ITGA9: variants seen among roughly 807,000 people sequenced by gnomAD.
ITGA9 encodes the protein integrin subunit alpha 9.
ITGA9 carries 56 observed loss-of-function variants against 127.8 expected under a neutral mutation model. That is an observed-to-expected ratio of 0.44 (90% CI 0.35 to 0.55). The LOEUF is 0.55. ITGA9 is among the 20% of genes least tolerant of loss of function. The pLI, the probability that ITGA9 is intolerant of heterozygous loss-of-function variation, is 0.00. For missense variants in ITGA9, 1,196 were observed against 1,347.1 expected (o/e 0.89, Z 1.76); for synonymous variants, 508 against 514.5 (o/e 0.99, Z 0.17).
intron 17 of ITGA9, among the ~76,000 whole-genome samples, chr3:37,673,120 C>T (rs1009768679): frequency 6.6e-6 from 1 of 152,060 alleles, no homozygotes. Context: ...AATGGGACAG[C>T]AAGACAGAAA....
At chr3:37,518,093 C>CGCGTGTGTGTGTGTGT (rs368577036) in intron 10 of ITGA9, among the ~76,000 whole-genome samples, 4 of 144,106 alleles carry the variant, frequency 2.8e-5, no homozygotes, top group Admixed American at 7.0e-5. Context: ...AGAGTGTACG[C>CGCGTGTGTGTGTGTGT]GTGTGTGTGT....
chr3:37,602,283 A>G (rs1318037549), intron 15 of ITGA9, among the ~76,000 whole-genome samples: 9 of 152,182 alleles, frequency 5.9e-5, no homozygotes, highest in Non-Finnish European at 1.3e-4. Flanking sequence ...AAAACAAAAA[A>G]AAAATGTTTG....
At chr3:37,705,925 G>A (rs1345351391) in intron 18 of ITGA9, among the ~76,000 whole-genome samples, 1 of 152,218 alleles carries the variant, frequency 6.6e-6, no homozygotes, top group Non-Finnish European at 1.5e-5. Flanking sequence ...CTGGAAAGAA[G>A]GAATGTTCTA....
intron 17 of ITGA9, among the ~76,000 whole-genome samples, chr3:37,660,286 A>G (rs1406133341): frequency 2.0e-5 from 3 of 152,214 alleles, no homozygotes; most frequent in Non-Finnish European, 4.4e-5. Flanking sequence ...AAATAACAAG[A>G]AACAAAAATA....
Position 37,721,474 on chromosome 3 carries a change from A to G in ITGA9, c.2068-11238A>G, listed in dbSNP as rs548199966. 3.3e-5 allele frequency among the ~76,000 whole-genome samples: 5 copies of G among 152,342 alleles called. No homozygotes were observed. In the South Asian group the frequency reaches 1.0e-3, roughly 32 times the overall value. ...TTTTGCATTAGCAGTTACATGGTTC[A>G]TCTGCCTCAAACATTTGTTTTGACT... On this transcript the variant is annotated intron_variant, in intron 18 of 27. Transcript: ENST00000264741.
intron 24 of ITGA9, among the ~76,000 whole-genome samples, chr3:37,779,348 C>G (rs1448672918): frequency 6.6e-6 from 1 of 152,096 alleles, no homozygotes; most frequent in Non-Finnish European, 1.5e-5. Context: ...CAGGTGACCC[C>G]CCTACCTCAG....
intron 26 of ITGA9, among the ~76,000 whole-genome samples, chr3:37,803,006 C>T (rs1422816499): frequency 2.0e-5 from 3 of 152,176 alleles, no homozygotes; most frequent in Non-Finnish European, 2.9e-5. Flanking sequence ...GTGCTAGGCC[C>T]TACCATGAGA....
chr3:37,643,330 A>G (rs1453741047), intron 16 of ITGA9, among the ~76,000 whole-genome samples: 1 of 152,200 alleles, frequency 6.6e-6, no homozygotes, highest in Non-Finnish European at 1.5e-5. Context: ...GAGAAAAACA[A>G]CTAATTCACC....
chr3:37,701,140 G>T (rs2125672801), intron 18 of ITGA9, among the ~76,000 whole-genome samples: 1 of 152,278 alleles, frequency 6.6e-6, no homozygotes, highest in Non-Finnish European at 1.5e-5. Context: ...TCTCTTTCCT[G>T]CCAGAGCAGT....
chr3:37,737,889 T>A (rs1696382828), intron 20 of ITGA9, among the ~76,000 whole-genome samples: 1 of 152,242 alleles, frequency 6.6e-6, no homozygotes, highest in African/African-American at 2.4e-5. Context: ...TCTTTCTATA[T>A]AATTTTTTTT....
intron 26 of ITGA9, among the ~76,000 whole-genome samples, chr3:37,802,245 C>G (rs1697243857): frequency 6.6e-6 from 1 of 152,126 alleles, no homozygotes; most frequent in African/African-American, 2.4e-5. Flanking sequence ...TAAACTGACA[C>G]AGACAATATT....
At chr3:37,664,689 A>G (rs917347378) in intron 17 of ITGA9, among the ~76,000 whole-genome samples, 1 of 151,338 alleles carries the variant, frequency 6.6e-6, no homozygotes, top group Non-Finnish European at 1.5e-5. Flanking sequence ...GGCATGAACC[A>G]CCGCGCCTGG....
At chr3:37,785,768 G>C (rs918202586) in intron 26 of ITGA9, among the ~76,000 whole-genome samples, 1 of 152,142 alleles carries the variant, frequency 6.6e-6, no homozygotes, top group African/African-American at 2.4e-5. Context: ...CAAACACTGG[G>C]TGTTTTAAAA....
intron 20 of ITGA9, among the ~76,000 whole-genome samples, chr3:37,741,398 C>T (rs1195439679): frequency 1.3e-5 from 2 of 152,112 alleles, no homozygotes; most frequent in Non-Finnish European, 2.9e-5. Context: ...GAGACTGGGC[C>T]CTGGCTGCCG....
At chr3:37,666,900 G>C (rs535587462) in intron 17 of ITGA9, among the ~76,000 whole-genome samples, 10 of 152,336 alleles carry the variant, frequency 6.6e-5, no homozygotes, top group Non-Finnish European at 1.3e-4. Flanking sequence ...AAGTGAAGGA[G>C]CTGGAGTGTT....
chr3:37,702,086 G>T (rs892597743), intron 18 of ITGA9, among the ~76,000 whole-genome samples: 2 of 152,174 alleles, frequency 1.3e-5, no homozygotes, highest in Non-Finnish European at 2.9e-5. Flanking sequence ...TTGTAGCCAT[G>T]GCTGCCAACA....
intron 25 of ITGA9, among the ~76,000 whole-genome samples, chr3:37,784,127 C>G (rs967504781): frequency 1.3e-5 from 2 of 152,208 alleles, no homozygotes; most frequent in African/African-American, 4.8e-5. Context: ...GTTGAATGCA[C>G]TAGTTCTCTG....
At chr3:37,594,663 A>T (rs984332389) in intron 15 of ITGA9, among the ~76,000 whole-genome samples, 3 of 152,214 alleles carry the variant, frequency 2.0e-5, no homozygotes, top group Admixed American at 1.3e-4. Context: ...GTAAATGGTG[A>T]TAACAGTACC....
At chr3:37,517,135 A>G (rs182756191) in intron 9 of ITGA9, among the ~76,000 whole-genome samples, 1 of 152,238 alleles carries the variant, frequency 6.6e-6, no homozygotes, top group African/African-American at 2.4e-5. Context: ...TTTTAAAACA[A>G]CATTGGGGAA....
Sources: allele counts gnomAD v4.1 joint callset (sites outside exome capture counted in the v4.1 genomes callset), GRCh38; gene constraint gnomAD v4.1.1; transcripts MANE v1.5; gene names NCBI Gene and HGNC (gene_info 2026-07-23, HGNC 2026-07-21).